WASF1: variants seen among roughly 807,000 people sequenced by gnomAD.
The protein encoded by WASF1 is actin-binding protein WASF1.
A neutral mutation model predicts 50.5 loss-of-function variants in WASF1; 7 were observed. The ratio of observed to expected loss-of-function variants is 0.14; its 90% CI spans 0.08 to 0.26. The LOEUF is 0.26. Among genes scored for constraint, WASF1 ranks in the 10% least tolerant of loss-of-function variants. The probability of loss-of-function intolerance (pLI) is 1.00; values close to 1 mark genes in which losing one functional copy is unlikely to be tolerated. For synonymous variants in WASF1, 205 were observed against 244.0 expected (o/e 0.84, Z 1.49); for missense variants, 470 against 694.7 (o/e 0.68, Z 3.64).
At chr6:110,143,922 T>C (rs560087071) in intron 3 of WASF1, among the ~76,000 whole-genome samples, 3 of 152,330 alleles carry the variant, frequency 2.0e-5, no homozygotes, top group Non-Finnish European at 2.9e-5. Flanking sequence ...GCGATAAACA[T>C]ACGTGTGCAT....
intron 3 of WASF1, among the ~76,000 whole-genome samples, chr6:110,132,144 T>C (rs1304018973): frequency 6.6e-6 from 1 of 152,150 alleles, no homozygotes; most frequent in African/African-American, 2.4e-5. Flanking sequence ...GTTTTTATAA[T>C]ACTGGAACCA....
chr6:110,132,011 ATTTC>A (rs1218187503), intron 3 of WASF1, among the ~76,000 whole-genome samples: 2 of 152,162 alleles, frequency 1.3e-5, no homozygotes, highest in African/African-American at 4.8e-5. Flanking sequence ...ATATTTATAC[ATTTC>A]TTTCTATCCA....
At chr6:110,173,732 G>T (rs79131279) in intron 2 of WASF1, among the ~76,000 whole-genome samples, 10,763 of 152,206 alleles carry the variant, frequency 0.071, 501 homozygotes, top group African/African-American at 0.14. Flanking sequence ...TAGAAGCCCT[G>T]GCTTATCTAG....
chr6:110,102,296 G>A (rs2114447789), intron 9 of WASF1, 80 bp from the exon 10 acceptor site: 3 of 1,293,152 alleles, frequency 2.3e-6, no homozygotes, highest in Non-Finnish European at 3.0e-6. Context: ...AACTATAAAT[G>A]ACTATCAGTA....
At position 110,155,536 on chromosome 6, in the gene WASF1, CTTTTTTTTTT is replaced by C. The variant is rs66645132; in HGVS notation, c.-29+5089_-29+5098del. ...GACTACATTATTTCTAAAGTGCCTT[CTTTTTTTTTT>C]TTTTTTTTTTTTTTTTTTTATTATA... On this transcript the variant is annotated intron_variant, in intron 3 of 10. Coordinates refer to ENST00000392589, the MANE Select transcript of WASF1 (RefSeq NM_003931.3). 7.6e-4 allele frequency among the ~76,000 whole-genome samples: 35 copies of C among 45,974 alleles called. 1 individual carries two copies. The South Asian group carries it at 9.6e-3, about 13-fold the overall frequency. 30.2% of individuals were successfully genotyped at this position (45,974 alleles called of 152,430 possible).
chr6:110,109,828 G>C (rs1384455711), intron 5 of WASF1, among the ~76,000 whole-genome samples: 1 of 151,804 alleles, frequency 6.6e-6, no homozygotes, highest in East Asian at 1.9e-4. Flanking sequence ...CCAAAGTGAT[G>C]GGATTACAGG....
intron 2 of WASF1, among the ~76,000 whole-genome samples, chr6:110,174,895 G>A (rs2114629883): frequency 6.6e-6 from 1 of 152,200 alleles, no homozygotes; most frequent in East Asian, 1.9e-4. Context: ...TTATTCTGTA[G>A]TAATTGCATA....
intron 3 of WASF1, among the ~76,000 whole-genome samples, chr6:110,152,970 T>C (rs1434482995): frequency 6.6e-6 from 1 of 152,208 alleles, no homozygotes; most frequent in Non-Finnish European, 1.5e-5. Context: ...TTGAATTCTA[T>C]ATAAATGGAT....
chr6:110,138,813 G>C (rs187074310), intron 3 of WASF1, among the ~76,000 whole-genome samples: 1 of 152,300 alleles, frequency 6.6e-6, no homozygotes, highest in East Asian at 1.9e-4. Flanking sequence ...GGTGGGCTTG[G>C]AAAAGACACC....
At chr6:110,108,999 C>A (rs142071391) in intron 5 of WASF1, among the ~76,000 whole-genome samples, 4 of 152,128 alleles carry the variant, frequency 2.6e-5, no homozygotes, top group Non-Finnish European at 5.9e-5. Context: ...CATCATGGGC[C>A]CCCACCAACT....
intron 3 of WASF1, among the ~76,000 whole-genome samples, chr6:110,134,203 C>A (rs1333065012): frequency 6.6e-6 from 1 of 152,050 alleles, no homozygotes; most frequent in Non-Finnish European, 1.5e-5. Context: ...CAGGTGTATG[C>A]CACCATGCTT....
intron 3 of WASF1, among the ~76,000 whole-genome samples, chr6:110,148,059 T>C (rs2114572892): frequency 6.6e-6 from 1 of 152,338 alleles, no homozygotes; most frequent in South Asian, 2.1e-4. Flanking sequence ...CAAGTTTATT[T>C]TTAGTGGTTT....
intron 4 of WASF1, among the ~76,000 whole-genome samples, chr6:110,114,346 CCA>C (rs1420181035): frequency 1.3e-5 from 2 of 152,076 alleles, no homozygotes; most frequent in African/African-American, 2.4e-5. Flanking sequence ...GATATGAACC[CCA>C]GATTGAGGTC....
chr6:110,166,136 G>C (rs1416201807), intron 2 of WASF1, among the ~76,000 whole-genome samples: 3 of 151,178 alleles, frequency 2.0e-5, no homozygotes, highest in Non-Finnish European at 3.0e-5. Flanking sequence ...TATTATTTAG[G>C]GAATAAAGGA....
At chr6:110,129,541 C>T (rs1774568576) in intron 3 of WASF1, among the ~76,000 whole-genome samples, 1 of 152,054 alleles carries the variant, frequency 6.6e-6, no homozygotes, top group East Asian at 1.9e-4. Flanking sequence ...AAAAAACCTT[C>T]ACATTTAAGA....
chr6:110,110,256 T>A (rs1165636662), intron 5 of WASF1, among the ~76,000 whole-genome samples: 1 of 152,218 alleles, frequency 6.6e-6, no homozygotes, highest in Non-Finnish European at 1.5e-5. Context: ...ATAACTGACC[T>A]GAGGTTAAAC....
intron 3 of WASF1, among the ~76,000 whole-genome samples, chr6:110,137,289 T>C (rs1409836031): frequency 1.3e-5 from 2 of 152,210 alleles, no homozygotes; most frequent in South Asian, 2.1e-4. Flanking sequence ...AATTCTGCCA[T>C]ACCACTGCAA....
rs1215697796 is a variant in WASF1, at chr6:110,113,308, C to T, written c.268+18G>A. ...TAAAATATATACGTAGAAGAAAATA[C>T]AATATTAATAAGCTTACATTCTTCT... On this transcript the variant is annotated intron_variant, in intron 5 of 10. Coordinates refer to ENST00000392589, the MANE Select transcript of WASF1 (RefSeq NM_003931.3). 2 of 1,513,332 alleles carry T rather than the reference C, an allele frequency of 1.3e-6. No individual in the cohort carries two copies. Among genetic ancestry groups the T allele is most frequent in the Non-Finnish European group, 8.8e-7 (1 of 1,132,286 alleles). 93.7% of individuals were successfully genotyped at this position (1,513,332 alleles called of 1,614,324 possible).
At chr6:110,142,601 C>T (rs1353960937) in intron 3 of WASF1, among the ~76,000 whole-genome samples, 1 of 151,974 alleles carries the variant, frequency 6.6e-6, no homozygotes, top group Non-Finnish European at 1.5e-5. Flanking sequence ...TTCATGGGAT[C>T]CTTTGTCAGG....
Sources: gnomAD v4.1 joint callset for allele counts (sites outside exome capture counted in the v4.1 genomes callset) on GRCh38, gnomAD v4.1.1 for gene constraint, MANE v1.5 for transcripts, NCBI Gene and HGNC (gene_info 2026-07-23, HGNC 2026-07-21) for gene names.